The following FANCC variants were observed in gnomAD, a reference collection of about 807,000 sequenced individuals.
FANCC encodes the protein Fanconi anemia group C protein.
Under a neutral mutation model 71.3 loss-of-function variants are expected in FANCC, and 55 were observed. That is an observed-to-expected ratio of 0.77 (90% confidence interval 0.62 to 0.97). FANCC has a LOEUF of 0.97. FANCC is among the 50% of genes least tolerant of loss of function. FANCC has a pLI of 0.00. For missense variants in FANCC, 678 were observed against 670.9 expected, an observed-to-expected ratio of 1.01 and a Z score of -0.12; for synonymous variants, 275 against 244.9, an observed-to-expected ratio of 1.12 and a Z score of -1.15.
chr9:95,257,914 A>G (rs1192331460), intron 1 of FANCC, among the ~76,000 whole-genome samples: 2 of 152,224 alleles, frequency 1.3e-5, no homozygotes, highest in African/African-American at 2.4e-5. Context: ...CTACACAAAT[A>G]AACTAGAAAA....
At chr9:95,102,878 C>A (rs947316286) in intron 14 of FANCC, among the ~76,000 whole-genome samples, 11 of 152,236 alleles carry the variant, frequency 7.2e-5, no homozygotes, top group African/African-American at 2.2e-4. Flanking sequence ...TCGGCCCCCC[C>A]TGGCAGCACA....
intron 1 of FANCC, among the ~76,000 whole-genome samples, chr9:95,282,215 A>G (rs552395172): frequency 6.6e-6 from 1 of 152,274 alleles, no homozygotes; most frequent in South Asian, 2.1e-4. Flanking sequence ...ATAAATGGAA[A>G]AAGATACTTC....
intron 1 of FANCC, among the ~76,000 whole-genome samples, chr9:95,295,129 T>A (rs571639739): frequency 1.3e-5 from 2 of 152,272 alleles, no homozygotes; most frequent in Admixed American, 6.5e-5. Context: ...GGGCAAAGAT[T>A]TTTTGGATAA....
intron 4 of FANCC, among the ~76,000 whole-genome samples, chr9:95,194,081 T>A (rs1015534176): frequency 1.2e-4 from 18 of 152,168 alleles, no homozygotes; most frequent in Non-Finnish European, 2.4e-4. Flanking sequence ...TGTTTTTTTT[T>A]AAATTCCATT....
chr9:95,110,171 A>T (rs2071796421), intron 13 of FANCC: 9 of 868,860 alleles, frequency 1.0e-5, no homozygotes, highest in Non-Finnish European at 1.3e-5. Flanking sequence ...ATTTTTTCAT[A>T]AAAAAGGACC....
chr9:95,124,208 T>C (rs1435263467), intron 10 of FANCC, among the ~76,000 whole-genome samples: 1 of 151,610 alleles, frequency 6.6e-6, no homozygotes, highest in Non-Finnish European at 1.5e-5. Context: ...AGCATTGTAG[T>C]TCTCCTCTCG....
intron 10 of FANCC, among the ~76,000 whole-genome samples, chr9:95,119,365 CTT>C (rs34433881): frequency 3.1e-3 from 431 of 141,124 alleles, no homozygotes; most frequent in Middle Eastern, 3.6e-3. Context: ...TCTTCCTTTT[CTT>C]TTTTTTTTTT....
intron 4 of FANCC, chr9:95,186,404 C>T (rs556468423): frequency 6.6e-6 from 1 of 152,410 alleles, no homozygotes; most frequent in African/African-American, 2.4e-5. Context: ...ACCACACGTC[C>T]CCAGACATTG....
At chr9:95,122,702 AAAAG>A (rs1044111255) in intron 10 of FANCC, among the ~76,000 whole-genome samples, 1 of 152,182 alleles carries the variant, frequency 6.6e-6, no homozygotes, top group African/African-American at 2.4e-5. Flanking sequence ...GCTAAGAAGA[AAAAG>A]AGGCGCGAGC....
chr9:95,208,283 G>C (rs1433246836), intron 4 of FANCC, among the ~76,000 whole-genome samples: 7 of 151,712 alleles, frequency 4.6e-5, no homozygotes, highest in African/African-American at 1.2e-4. Context: ...TTTTAGTAGA[G>C]ATGGGGTTTC....
At chr9:95,145,674 C>G (rs980942940) in intron 7 of FANCC, among the ~76,000 whole-genome samples, 1 of 152,144 alleles carries the variant, frequency 6.6e-6, no homozygotes, top group African/African-American at 2.4e-5. Context: ...AGTGATACTG[C>G]CGCACGCACA....
intron 1 of FANCC, chr9:95,292,815 G>C (rs1834130279): frequency 1.9e-6 from 3 of 1,577,924 alleles, no homozygotes; most frequent in Non-Finnish European, 2.6e-6. Context: ...GAAAATCCAT[G>C]CTGAGAAGAA....
intron 5 of FANCC, 61 bp downstream of exon 5, chr9:95,171,975 CT>C: frequency 9.8e-7 from 1 of 1,015,362 alleles, no homozygotes. Flanking sequence ...TCCATTTACT[CT>C]TTTTGCTGAT....
chr9:95,190,031 T>A (rs1285557026), intron 4 of FANCC, among the ~76,000 whole-genome samples: 1 of 152,146 alleles, frequency 6.6e-6, no homozygotes, highest in Non-Finnish European at 1.5e-5. Context: ...TCCTCTCTCA[T>A]CACACCACCA....
chr9:95,199,683 A>C (rs892666816), intron 4 of FANCC, among the ~76,000 whole-genome samples: 1 of 152,052 alleles, frequency 6.6e-6, no homozygotes, highest in African/African-American at 2.4e-5. Context: ...ACAGAGAAAA[A>C]ACTACCACCA....
intron 4 of FANCC, among the ~76,000 whole-genome samples, chr9:95,180,618 C>T (rs1218272454): frequency 1.3e-5 from 2 of 151,592 alleles, no homozygotes; most frequent in Admixed American, 1.3e-4. Flanking sequence ...GGATTATAGG[C>T]ATGAGCCACC....
chr9:95,251,885 A>G (rs999375275), intron 1 of FANCC, among the ~76,000 whole-genome samples: 1 of 152,230 alleles, frequency 6.6e-6, no homozygotes, highest in African/African-American at 2.4e-5. Context: ...AAGTAAGATT[A>G]TGTAAAAACT....
At chr9:95,244,096 C>T (rs1213506374) in intron 3 of FANCC, among the ~76,000 whole-genome samples, 1 of 152,216 alleles carries the variant, frequency 6.6e-6, no homozygotes, top group African/African-American at 2.4e-5. Context: ...CAGACAGATA[C>T]AAGTTCAAGG....
At chr9:95,250,598 T>C (rs1320796017) in intron 1 of FANCC, among the ~76,000 whole-genome samples, 2 of 152,180 alleles carry the variant, frequency 1.3e-5, no homozygotes, top group Non-Finnish European at 1.5e-5. Flanking sequence ...AGAGGGAATA[T>C]ATGCAACTGT....
Sources: gnomAD v4.1 joint callset for allele counts (sites outside exome capture counted in the v4.1 genomes callset) on GRCh38, gnomAD v4.1.1 for gene constraint, MANE v1.5 for transcripts, NCBI Gene and HGNC (gene_info 2026-07-23, HGNC 2026-07-21) for gene names.